Variants in PTPN12 observed in about 807,000 individuals in gnomAD.
The protein encoded by PTPN12 is protein tyrosine phosphatase non-receptor type 12.
PTPN12 carries 29 observed loss-of-function variants against 97.6 expected under a neutral mutation model. The ratio of observed to expected loss-of-function variants is 0.30; its 90% CI spans 0.22 to 0.41. The LOEUF (loss-of-function observed/expected upper bound fraction) is 0.41, where lower values mean the gene tolerates loss of function less well. Ranked by LOEUF, PTPN12 falls within the 10% of genes least tolerant of loss-of-function variation. The pLI is 1.00. For synonymous variants in PTPN12, 327 were observed against 300.4 expected, an observed-to-expected ratio of 1.09 and a Z score of -0.91; for missense variants, 819 against 926.0, an observed-to-expected ratio of 0.88 and a Z score of 1.50.
intron 8 of PTPN12, among the ~76,000 whole-genome samples, chr7:77,601,975 T>G (rs1440113141): frequency 6.6e-6 from 1 of 152,226 alleles, no homozygotes; most frequent in African/African-American, 2.4e-5. Flanking sequence ...TTAAGCTACC[T>G]CTGAATGTGA....
At position 77,562,072 on chromosome 7, in the gene PTPN12, G is replaced by GAGAC. The variant is rs565828172; in HGVS notation, c.100-9002_100-8999dup. Among the ~76,000 whole-genome samples, 493 of 151,792 alleles carry GAGAC rather than the reference G, an allele frequency of 3.2e-3. 2 individuals carry two copies. The highest frequency in any genetic ancestry group is 0.012 in the African/African-American group (483 of 41,342). ...ACCAAAGTGTATTTATTTATTTTTT[G>GAGAC]AGACAGAGTCTCACTCTGTTGCCCA... On this transcript the variant is annotated intron_variant, in intron 1 of 17. Transcript: ENST00000248594.
chr7:77,537,516 C>G lies in PTPN12; in HGVS notation c.-31C>G, dbSNP rs781758720. 1.3e-6 allele frequency: 2 copies of G among 1,559,948 alleles called. No individual in the cohort carries two copies. Among genetic ancestry groups the G allele is most frequent in the Non-Finnish European group, 1.7e-6 (2 of 1,154,884 alleles). The stretch of plus-strand genomic sequence containing the variant: ...GCCGGGCGGGCGGGCGGCGGGGGGG[C>G]CAGCGACCGCAGCCGGGGGGACGCG... On this transcript the variant is annotated 5_prime_UTR_variant, in exon 1 of 18. Coordinates refer to ENST00000248594, the MANE Select transcript of PTPN12 (RefSeq NM_002835.4).
chr7:77,555,610 A>T lies in PTPN12; in HGVS notation c.100-15468A>T, dbSNP rs573669829. On this transcript the variant is annotated intron_variant, in intron 1 of 17. Transcript: ENST00000248594. ...TTCTTCATTTTTGTTACAGTTTTTTAAAAAAATCTCTAGCGTTTCTTAGGC... is the reference window on the plus strand; with the variant it reads ...TTCTTCATTTTTGTTACAGTTTTTTTAAAAAATCTCTAGCGTTTCTTAGGC... Among the ~76,000 whole-genome samples, 60 of 152,164 alleles carry T rather than the reference A, an allele frequency of 3.9e-4. No individual in the cohort carries two copies. In the South Asian group the frequency reaches 0.011, roughly 29 times the overall value.
At chr7:77,567,934 T>C (rs1207923158) in intron 1 of PTPN12, among the ~76,000 whole-genome samples, 3 of 152,200 alleles carry the variant, frequency 2.0e-5, no homozygotes, top group Non-Finnish European at 2.9e-5. Flanking sequence ...GCTAAGAAAG[T>C]ACCAGATCCA....
chr7:77,543,041 A>G (rs1216245027), intron 1 of PTPN12, among the ~76,000 whole-genome samples: 1 of 152,120 alleles, frequency 6.6e-6, no homozygotes, highest in African/African-American at 2.4e-5. Context: ...GGTGTGGTCA[A>G]GGAGGAGGGA....
intron 12 of PTPN12, among the ~76,000 whole-genome samples, chr7:77,625,763 T>A (rs563941912): frequency 4.0e-5 from 6 of 150,340 alleles, no homozygotes; most frequent in Non-Finnish European, 8.9e-5. Context: ...AGAGATGGGG[T>A]TTTACTGTGT....
intron 1 of PTPN12, among the ~76,000 whole-genome samples, chr7:77,548,860 T>C (rs967382914): frequency 6.6e-6 from 1 of 152,162 alleles, no homozygotes; most frequent in Admixed American, 6.5e-5. Context: ...CCAGCCTCTT[T>C]GTCTTTCTAT....
chr7:77,574,709 G>A (rs1787282690), intron 2 of PTPN12, among the ~76,000 whole-genome samples: 1 of 152,212 alleles, frequency 6.6e-6, no homozygotes, highest in Non-Finnish European at 1.5e-5. Flanking sequence ...GAGAGACCTT[G>A]TCCAAGAGCT....
In PTPN12 at chr7:77,625,474, TCTCTCTCTCTCTCTC is replaced by T. The variant is rs1469215053; in HGVS notation, c.1026-1230_1026-1216del. On this transcript the variant is annotated intron_variant, in intron 12 of 17. Coordinates refer to ENST00000248594, the MANE Select transcript of PTPN12 (RefSeq NM_002835.4). Reference sequence around the variant, plus strand: ...TTGCCATATTGCCCAGGCTGCTCGCTCTCTCTCTCTCTCTCTCTCTCTCTCTCTCTCTCTCTCTCT... The same window carrying T: ...TTGCCATATTGCCCAGGCTGCTCGCTTCTCTCTCTCTCTCTCTCTCTCTCT... Among the ~76,000 whole-genome samples the T allele has an allele frequency of 3.4e-4, 10 of 29,166 alleles. 1 individual carries two copies. Among genetic ancestry groups the T allele is most frequent in the African/African-American group, 1.6e-3 (10 of 6,254 alleles). 19.1% of individuals were successfully genotyped at this position (29,166 alleles called of 152,430 possible).
At chr7:77,550,620 A>G (rs976942642) in intron 1 of PTPN12, among the ~76,000 whole-genome samples, 1 of 152,224 alleles carries the variant, frequency 6.6e-6, no homozygotes, top group Non-Finnish European at 1.5e-5. Context: ...GAGCCAAATC[A>G]GGACTGTAAG....
Position 77,627,128 on chromosome 7 carries a change from A to G in PTPN12, c.1449A>G (p.Ser483=). ...TCTCTAAGCCACAGGAATTAAGTTC[A>G]GATCTAAATGTCGGTGATACTTCCC... ...DKISKPQELS[S]DLNVGDTSQN... Residue 483 remains serine (S), a synonymous_variant, in exon 13 of 18, where the codon TCA becomes TCG. Coordinates refer to ENST00000248594, the MANE Select transcript of PTPN12 (RefSeq NM_002835.4). The G allele has an allele frequency of 1.2e-6, 2 of 1,614,154 alleles. No individual in the cohort carries two copies. The highest frequency in any genetic ancestry group is 1.7e-6 in the Non-Finnish European group (2 of 1,180,002).
intron 12 of PTPN12, among the ~76,000 whole-genome samples, chr7:77,622,276 C>G (rs1183934064): frequency 6.6e-6 from 1 of 152,002 alleles, no homozygotes; most frequent in African/African-American, 2.4e-5. Flanking sequence ...TCTTCCAGTT[C>G]TTAAAAGTGA....
chr7:77,560,733 C>T (rs1170033932), intron 1 of PTPN12, among the ~76,000 whole-genome samples: 6 of 152,126 alleles, frequency 3.9e-5, no homozygotes, highest in African/African-American at 1.2e-4. Flanking sequence ...CAAAATCTTC[C>T]TTTTTAAAGG....
chr7:77,555,730 C>T (rs1489366091), intron 1 of PTPN12, among the ~76,000 whole-genome samples: 1 of 151,980 alleles, frequency 6.6e-6, no homozygotes, highest in Non-Finnish European at 1.5e-5. Context: ...CTGGCTAACA[C>T]GGTGAAACCC....
At chr7:77,554,369 A>C (rs1273646470) in intron 1 of PTPN12, among the ~76,000 whole-genome samples, 1 of 152,224 alleles carries the variant, frequency 6.6e-6, no homozygotes, top group Non-Finnish European at 1.5e-5. Context: ...ATGGATGGTG[A>C]GATTACTTTA....
intron 11 of PTPN12, among the ~76,000 whole-genome samples, chr7:77,618,208 T>G (rs1242350414): frequency 1.3e-5 from 2 of 152,154 alleles, no homozygotes; most frequent in Non-Finnish European, 2.9e-5. Context: ...GGAATCTGTT[T>G]TTTTACGGTA....
chr7:77,538,656 T>A (rs1175492910), intron 1 of PTPN12: 2 of 151,982 alleles, frequency 1.3e-5, no homozygotes, highest in African/African-American at 4.8e-5. Context: ...TTTAGCACAC[T>A]GTGAGGGGGT....
intron 1 of PTPN12, among the ~76,000 whole-genome samples, chr7:77,540,240 TTTC>T (rs1265483887): frequency 3.2e-4 from 32 of 101,410 alleles, no homozygotes; most frequent in Admixed American, 8.9e-4. Context: ...TCTTTCTTTC[TTTC>T]TTTTTTTTTT....
At chr7:77,628,106 C>T (rs1562762133) in intron 13 of PTPN12, among the ~76,000 whole-genome samples, 1 of 152,092 alleles carries the variant, frequency 6.6e-6, no homozygotes, top group African/African-American at 2.4e-5. Flanking sequence ...TTTTACTGTT[C>T]CTTTAACTAC....
Sources: gnomAD v4.1 joint callset for allele counts (sites outside exome capture counted in the v4.1 genomes callset) on GRCh38, gnomAD v4.1.1 for gene constraint, MANE v1.5 for transcripts, NCBI Gene and HGNC (gene_info 2026-07-23, HGNC 2026-07-21) for gene names.